Variants in VTI1A observed in about 807,000 individuals in gnomAD.
The protein encoded by VTI1A is vesicle transport through interaction with t-SNAREs 1A, also known as vesicle transport through interaction with t-SNAREs homolog 1A.
VTI1A carries 22 observed loss-of-function variants against 34.9 expected under a neutral mutation model. The ratio of observed to expected loss-of-function variants is 0.63; its 90% CI spans 0.45 to 0.90. The LOEUF (loss-of-function observed/expected upper bound fraction) is 0.90. VTI1A is among the 40% of genes least tolerant of loss of function. VTI1A has a pLI of 0.00. For synonymous variants in VTI1A, 87 were observed against 97.3 expected, an observed-to-expected ratio of 0.89 and a Z score of 0.62; for missense variants, 268 against 275.6, an observed-to-expected ratio of 0.97 and a Z score of 0.20.
At chr10:112,825,068 A>AT in the VTI1A span, 1 of 152,272 alleles carries the variant, frequency 6.6e-6, no homozygotes, top group Non-Finnish European at 1.5e-5. Flanking sequence ...CGCTTGGGAA[A>AT]TAAGGCTCTG....
At chr10:112,736,903 C>T (rs185778427) in intron 7 of VTI1A, 47 of 697,438 alleles carry the variant, frequency 6.7e-5, no homozygotes, top group Middle Eastern at 2.4e-4. Context: ...TTTATAGATG[C>T]GCAGTGCATG....
At chr10:112,824,717 C>G in the VTI1A span, 11 of 152,426 alleles carry the variant, frequency 7.2e-5, no homozygotes, top group African/African-American at 2.2e-4. Flanking sequence ...TCTCGGGGCT[C>G]TAGGCCCTGC....
At chr10:112,612,650 C>G (rs937617930) in intron 5 of VTI1A, among the ~76,000 whole-genome samples, 2 of 152,078 alleles carry the variant, frequency 1.3e-5, no homozygotes, top group Non-Finnish European at 2.9e-5. Flanking sequence ...TCTAGAACTC[C>G]CAGCCTGAAG....
chr10:112,577,003 G>A (rs573759028), intron 5 of VTI1A, among the ~76,000 whole-genome samples: 15 of 152,196 alleles, frequency 9.9e-5, no homozygotes, highest in African/African-American at 3.1e-4. Context: ...TTTATAATCC[G>A]TCTATAAGGT....
At chr10:112,606,600 T>C (rs958511711) in intron 5 of VTI1A, among the ~76,000 whole-genome samples, 2 of 152,196 alleles carry the variant, frequency 1.3e-5, no homozygotes, top group African/African-American at 4.8e-5. Context: ...TAAATACCTA[T>C]AGATTTGTTG....
At chr10:112,589,416 A>G (rs1223054535) in intron 5 of VTI1A, among the ~76,000 whole-genome samples, 1 of 147,814 alleles carries the variant, frequency 6.8e-6, no homozygotes, top group African/African-American at 2.5e-5. Flanking sequence ...ACCTTCCACC[A>G]TGATCGTGGA....
chr10:112,776,824 C>A (rs1011018701), intron 7 of VTI1A, among the ~76,000 whole-genome samples: 7 of 151,900 alleles, frequency 4.6e-5, no homozygotes, highest in African/African-American at 1.4e-4. Flanking sequence ...ACTACAAGTG[C>A]GCACCACCAC....
rs971679107 is a variant in VTI1A at position 112,668,142 on chromosome 10, C to T, written c.428-76C>T. 18 of 1,206,174 alleles carry T rather than the reference C, an allele frequency of 1.5e-5. No homozygotes were observed. The East Asian group carries it at 3.2e-4, about 21-fold the overall frequency. 74.7% of individuals were successfully genotyped at this position (1,206,174 alleles called of 1,614,324 possible). A position where few individuals can be genotyped will look rare whatever the true frequency, so the allele number is the denominator to read the frequency against. ...TGCATGCAACTTTAACATTTTATGC[C>T]ATTTTAGTATTTCTGAGATTTACTC... is the stretch of plus-strand genomic sequence containing the variant. On this transcript the variant is annotated intron_variant, in intron 5 of 7. Coordinates refer to ENST00000393077, the MANE Select transcript of VTI1A (RefSeq NM_145206.4).
intron 7 of VTI1A, among the ~76,000 whole-genome samples, chr10:112,674,183 A>G (rs1263008648): frequency 6.6e-6 from 1 of 151,948 alleles, no homozygotes; most frequent in Admixed American, 6.6e-5. Context: ...TTCTCAGCAC[A>G]TTTTACTTAC....
the VTI1A span, among the ~76,000 whole-genome samples, chr10:112,848,483 A>C: frequency 1.3e-5 from 2 of 152,206 alleles, no homozygotes; most frequent in Admixed American, 1.3e-4. Flanking sequence ...GAGAGCAGAG[A>C]AACCTCAAGA....
intron 5 of VTI1A, among the ~76,000 whole-genome samples, chr10:112,568,566 T>C (rs1589915354): frequency 6.6e-6 from 1 of 152,110 alleles, no homozygotes; most frequent in African/African-American, 2.4e-5. Flanking sequence ...TACATAGCCA[T>C]GCTCAGGAGG....
chr10:112,589,272 G>A (rs1844286358), intron 5 of VTI1A, among the ~76,000 whole-genome samples: 1 of 152,082 alleles, frequency 6.6e-6, no homozygotes, highest in Non-Finnish European at 1.5e-5. Context: ...ATTGAATCAT[G>A]GGGTCAGTTT....
At chr10:112,496,213 A>G (rs1384263036) in intron 3 of VTI1A, among the ~76,000 whole-genome samples, 1 of 90,072 alleles carries the variant, frequency 1.1e-5, no homozygotes, top group East Asian at 3.3e-4. Flanking sequence ...CCGTCTCTAA[A>G]CAAAATAAAA....
the VTI1A span, among the ~76,000 whole-genome samples, chr10:112,845,645 C>T: frequency 9.9e-5 from 15 of 152,202 alleles, no homozygotes; most frequent in African/African-American, 2.4e-4. Flanking sequence ...AAAGCCTCCG[C>T]GGGAGGAGGA....
chr10:112,525,052 A>C (rs1175082025), intron 3 of VTI1A, among the ~76,000 whole-genome samples: 4 of 152,154 alleles, frequency 2.6e-5, no homozygotes, highest in African/African-American at 9.7e-5. Context: ...AGAAATAGCT[A>C]ATTAATAATG....
intron 3 of VTI1A, among the ~76,000 whole-genome samples, chr10:112,485,717 A>G (rs560769059): frequency 3.9e-5 from 6 of 152,292 alleles, no homozygotes; most frequent in African/African-American, 9.6e-5. Context: ...GCAAATGTCA[A>G]CCTCACAATT....
At chr10:112,560,271 A>G (rs1398532143) in intron 5 of VTI1A, among the ~76,000 whole-genome samples, 1 of 152,182 alleles carries the variant, frequency 6.6e-6, no homozygotes, top group Non-Finnish European at 1.5e-5. Context: ...AATAAGAAAA[A>G]ATGTAGTATG....
chr10:112,643,743 TG>T (rs1846670090), intron 5 of VTI1A, among the ~76,000 whole-genome samples: 1 of 152,232 alleles, frequency 6.6e-6, no homozygotes, highest in Non-Finnish European at 1.5e-5. Context: ...TGCTTATTAA[TG>T]TACACACCTC....
At chr10:112,508,349 G>T (rs1279860572) in intron 3 of VTI1A, among the ~76,000 whole-genome samples, 1 of 152,152 alleles carries the variant, frequency 6.6e-6, no homozygotes, top group Non-Finnish European at 1.5e-5. Context: ...TCACCAAGTG[G>T]CTTGTGCATG....
Sources: gnomAD v4.1 joint callset for allele counts (sites outside exome capture counted in the v4.1 genomes callset) on GRCh38, gnomAD v4.1.1 for gene constraint, MANE v1.5 for transcripts, NCBI Gene and HGNC (gene_info 2026-07-23, HGNC 2026-07-21) for gene names.